The following GGNBP2 variants were observed in gnomAD, a reference collection of about 807,000 sequenced individuals.
The protein encoded by GGNBP2 is gametogenetin-binding protein 2.
GGNBP2 carries 10 observed loss-of-function variants against 85.9 expected under a neutral mutation model. The ratio of observed to expected loss-of-function variants is 0.12; its 90% confidence interval spans 0.07 to 0.20. The LOEUF (loss-of-function observed/expected upper bound fraction) is 0.20, where lower values mean the gene tolerates loss of function less well. Ranked by LOEUF, GGNBP2 falls within the 10% of genes least tolerant of loss-of-function variation. The pLI is 1.00. For missense variants in GGNBP2, 595 were observed against 857.8 expected, an observed-to-expected ratio of 0.69 and a Z score of 3.83; for synonymous variants, 287 against 285.7, an observed-to-expected ratio of 1.00 and a Z score of -0.05.
intron 2 of GGNBP2, among the ~76,000 whole-genome samples, chr17:36,552,124 T>A (rs1458600255): frequency 5.9e-5 from 9 of 152,232 alleles, no homozygotes; most frequent in Admixed American, 5.9e-4. Flanking sequence ...AATGAAAATA[T>A]AAATCAAGGT....
intron 7 of GGNBP2, chr17:36,578,985 C>T: frequency 2.4e-6 from 1 of 412,238 alleles, no homozygotes. Context: ...TTGCTTTGTG[C>T]CCTAAAACCC....
At chr17:36,547,471 GAC>G (rs1305748335) in intron 2 of GGNBP2, 1 of 152,136 alleles carries the variant, frequency 6.6e-6, no homozygotes, top group Non-Finnish European at 1.5e-5. Context: ...GTCTTCAAAA[GAC>G]ACTAGTTCTT....
At chr17:36,573,032 C>A (rs2074541976) in intron 6 of GGNBP2, among the ~76,000 whole-genome samples, 1 of 152,084 alleles carries the variant, frequency 6.6e-6, no homozygotes, top group Admixed American at 6.5e-5. Flanking sequence ...CAGGATTCCC[C>A]TCTAAAAGCT....
At chr17:36,585,690 C>A (rs2074694011) in intron 10 of GGNBP2, 150 bp from the exon 11 acceptor site, 3 of 687,042 alleles carry the variant, frequency 4.4e-6, no homozygotes, top group African/African-American at 3.7e-5. Flanking sequence ...AATTTACTTT[C>A]TACTTAAAAA....
intron 6 of GGNBP2, among the ~76,000 whole-genome samples, chr17:36,573,600 G>A (rs1021885800): frequency 5.3e-5 from 8 of 152,152 alleles, no homozygotes; most frequent in African/African-American, 7.2e-5. Flanking sequence ...CTTCCGTACC[G>A]GTTTCCATAG....
chr17:36,561,147 G>A (rs1056415657), intron 5 of GGNBP2, among the ~76,000 whole-genome samples: 6 of 150,772 alleles, frequency 4.0e-5, no homozygotes, highest in African/African-American at 1.5e-4. Context: ...TTTTTGAGAC[G>A]GAGTCTCCCT....
intron 13 of GGNBP2, chr17:36,587,584 T>A: frequency 1.9e-5 from 4 of 206,986 alleles, no homozygotes; most frequent in Middle Eastern, 2.1e-3. Flanking sequence ...TTTGTAAAGT[T>A]AAAAAAAAAA....
intron 5 of GGNBP2, among the ~76,000 whole-genome samples, chr17:36,564,807 G>C (rs1392796080): frequency 5.3e-5 from 8 of 150,296 alleles, no homozygotes; most frequent in Admixed American, 2.0e-4. Context: ...TATTTCCAGA[G>C]AAAGTATAAT....
chr17:36,556,524 T>C (rs1231876879), intron 3 of GGNBP2, among the ~76,000 whole-genome samples: 1 of 152,090 alleles, frequency 6.6e-6, no homozygotes, highest in Non-Finnish European at 1.5e-5. Context: ...GCCAACATGG[T>C]GAAACCCCAT....
chr17:36,570,709 AAAC>A (rs1555606648), intron 6 of GGNBP2, among the ~76,000 whole-genome samples: 2 of 151,930 alleles, frequency 1.3e-5, no homozygotes, highest in East Asian at 1.9e-4. Flanking sequence ...GTTCCCAAAA[AAAC>A]AACAACAAAA....
chr17:36,578,437 T>C, intron 7 of GGNBP2: 1 of 420,560 alleles, frequency 2.4e-6, no homozygotes, highest in Non-Finnish European at 4.2e-6. Context: ...TTTTTTGGCT[T>C]TCATTGTTAC....
At chr17:36,573,551 T>C (rs2142753909) in intron 6 of GGNBP2, among the ~76,000 whole-genome samples, 1 of 152,320 alleles carries the variant, frequency 6.6e-6, no homozygotes, top group South Asian at 2.1e-4. Context: ...TACCTAGAAG[T>C]GGGATTCCTG....
intron 2 of GGNBP2, among the ~76,000 whole-genome samples, chr17:36,549,265 T>G (rs1286266211): frequency 6.6e-6 from 1 of 152,178 alleles, no homozygotes; most frequent in Non-Finnish European, 1.5e-5. Context: ...TACAGTGGCC[T>G]GATCTTGGCT....
At chr17:36,578,913 T>C in intron 7 of GGNBP2, 1 of 183,890 alleles carries the variant, frequency 5.4e-6, no homozygotes, top group South Asian at 1.7e-4. Context: ...AAAAATGTTT[T>C]GCTATAATTG....
At chr17:36,575,629 TATATATATATATATATATA>T (rs1458740015) in intron 6 of GGNBP2, among the ~76,000 whole-genome samples, 7 of 42,914 alleles carry the variant, frequency 1.6e-4, no homozygotes, top group East Asian at 7.7e-4. Context: ...TATATATATA[TATATATATATATATATATA>T]TTTTTTTTTT....
chr17:36,575,028 C>T (rs1369220303), intron 6 of GGNBP2: 8 of 1,510,062 alleles, frequency 5.3e-6, no homozygotes, highest in Middle Eastern at 2.0e-4. Flanking sequence ...TTCAAAACCT[C>T]GTCCTTGAGA....
intron 2 of GGNBP2, among the ~76,000 whole-genome samples, chr17:36,550,786 T>C (rs2074301318): frequency 6.6e-6 from 1 of 152,230 alleles, no homozygotes; most frequent in African/African-American, 2.4e-5. Flanking sequence ...GATGCCTCTA[T>C]AAAACCACAC....
chr17:36,575,636 A>ATT (rs1567829617), intron 6 of GGNBP2, among the ~76,000 whole-genome samples: 1 of 49,832 alleles, frequency 2.0e-5, no homozygotes, highest in Admixed American at 1.8e-4. Context: ...ATATATATAT[A>ATT]TATATATATA....
chr17:36,558,486 A>G (rs537547608), intron 4 of GGNBP2, among the ~76,000 whole-genome samples: 45 of 145,094 alleles, frequency 3.1e-4, no homozygotes, highest in African/African-American at 1.1e-3. Context: ...ACAGAGTTTC[A>G]CTATTGTTGC....
Sources: gnomAD v4.1 joint callset for allele counts (sites outside exome capture counted in the v4.1 genomes callset) on GRCh38, gnomAD v4.1.1 for gene constraint, MANE v1.5 for transcripts, NCBI Gene and HGNC (gene_info 2026-07-23, HGNC 2026-07-21) for gene names.